Variants in PDE4D observed in about 807,000 individuals in gnomAD.
PDE4D encodes the protein 3',5'-cyclic-AMP phosphodiesterase 4D.
A neutral mutation model predicts 87.4 loss-of-function variants in PDE4D; 24 were observed. That is an observed-to-expected ratio of 0.27 (90% CI 0.20 to 0.39). The LOEUF is 0.39. Among genes scored for constraint, PDE4D ranks in the 10% least tolerant of loss-of-function variants. PDE4D has a pLI of 1.00. For synonymous variants in PDE4D, 384 were observed against 383.2 expected, an observed-to-expected ratio of 1.00 and a Z score of -0.02; for missense variants, 714 against 1,041.0, an observed-to-expected ratio of 0.69 and a Z score of 4.32.
chr5:59,017,207 G>C (rs530083464), intron 6 of PDE4D, among the ~76,000 whole-genome samples: 62 of 152,272 alleles, frequency 4.1e-4, no homozygotes, highest in African/African-American at 1.4e-3. Flanking sequence ...ACCATTAGAA[G>C]GTTCTGAGCA....
intron 1 of PDE4D, among the ~76,000 whole-genome samples, chr5:59,238,322 T>G (rs1029918333): frequency 7.9e-5 from 12 of 152,150 alleles, no homozygotes; most frequent in Non-Finnish European, 1.8e-4. Context: ...TTGATGACTC[T>G]TGTAATATAG....
At chr5:60,287,267 C>T (rs1164418827) in intron 1 of PDE4D, among the ~76,000 whole-genome samples, 1 of 152,096 alleles carries the variant, frequency 6.6e-6, no homozygotes, top group East Asian at 1.9e-4. Context: ...TATAAAACAG[C>T]CTACAAATAT....
intron 1 of PDE4D, among the ~76,000 whole-genome samples, chr5:60,311,223 T>C (rs904076835): frequency 5.9e-5 from 9 of 152,198 alleles, no homozygotes; most frequent in Non-Finnish European, 1.0e-4. Context: ...GGTTTCTCCA[T>C]GTTGGTCAGT....
chr5:60,269,607 A>G (rs1287746814), intron 1 of PDE4D, among the ~76,000 whole-genome samples: 4 of 152,224 alleles, frequency 2.6e-5, no homozygotes, highest in African/African-American at 7.2e-5. Context: ...AGAAAATAGC[A>G]AAATCTCCAG....
At chr5:59,618,323 T>C (rs943111234) in intron 1 of PDE4D, among the ~76,000 whole-genome samples, 8 of 152,092 alleles carry the variant, frequency 5.3e-5, no homozygotes, top group Admixed American at 5.2e-4. Context: ...ATGTAAGACC[T>C]GAGCCAAGAG....
intron 5 of PDE4D, among the ~76,000 whole-genome samples, chr5:59,175,236 C>CT (rs1783631590): frequency 1.3e-5 from 2 of 152,088 alleles, no homozygotes; most frequent in African/African-American, 2.4e-5. Context: ...GTAGGTGAGC[C>CT]TTACTCTAAA....
intron 3 of PDE4D, among the ~76,000 whole-genome samples, chr5:59,906,478 A>G (rs578044837): frequency 1.3e-5 from 2 of 152,284 alleles, no homozygotes; most frequent in South Asian, 4.1e-4. Context: ...GTTTTTGTAA[A>G]TAAAGTTTTA....
intron 1 of PDE4D, among the ~76,000 whole-genome samples, chr5:59,846,480 G>A (rs554753445): frequency 6.6e-6 from 1 of 152,094 alleles, no homozygotes; most frequent in Non-Finnish European, 1.5e-5. Flanking sequence ...GTTTGAGGTG[G>A]GGCCTTATCA....
chr5:60,056,449 A>G (rs1228882154), intron 2 of PDE4D, among the ~76,000 whole-genome samples: 1 of 152,014 alleles, frequency 6.6e-6, no homozygotes, highest in Non-Finnish European at 1.5e-5. Context: ...CACAGGGATC[A>G]GTGTTTTTAT....
At chr5:58,999,907 T>C in intron 6 of PDE4D, 1 of 986,062 alleles carries the variant, frequency 1.0e-6, no homozygotes, top group Non-Finnish European at 1.2e-6. Flanking sequence ...AGGCTAGTCC[T>C]GTCAAAAGCT....
intron 1 of PDE4D, among the ~76,000 whole-genome samples, chr5:59,890,843 A>G (rs1750853815): frequency 6.6e-6 from 1 of 152,250 alleles, no homozygotes; most frequent in Non-Finnish European, 1.5e-5. Context: ...ATAAGTTAAT[A>G]AATGTAAAAT....
chr5:59,979,240 C>T (rs948868997), intron 3 of PDE4D, among the ~76,000 whole-genome samples: 1 of 151,738 alleles, frequency 6.6e-6, no homozygotes, highest in Non-Finnish European at 1.5e-5. Context: ...AGAGGGAGAC[C>T]ACCCTTGAAA....
intron 1 of PDE4D, among the ~76,000 whole-genome samples, chr5:59,616,025 T>G (rs904486498): frequency 7.9e-5 from 12 of 152,096 alleles, no homozygotes; most frequent in African/African-American, 2.9e-4. Context: ...ATGTGCAGGT[T>G]AGTTACATAT....
rs1235759814 is a variant in PDE4D, at chr5:58,974,311, A to G, written c.*353T>C. On this transcript the variant is annotated 3_prime_UTR_variant, in exon 15 of 15. Coordinates refer to ENST00000340635, the MANE Select transcript of PDE4D (RefSeq NM_001104631.2). ...TGCCTTTCTTCTGAAAATATTGCAA[A>G]CAAATAAAAAGGAATAGAAACCCCA... The G allele has an allele frequency of 6.1e-6, 1 of 163,592 alleles. No individual in the cohort carries two copies. The highest frequency in any genetic ancestry group is 1.3e-5 in the Non-Finnish European group (1 of 77,290). The allele number at this position is 163,592 out of a possible 1,614,324, so 10.1% of individuals were successfully genotyped here.
At chr5:60,162,746 A>C (rs1472304593) in intron 2 of PDE4D, among the ~76,000 whole-genome samples, 1 of 151,668 alleles carries the variant, frequency 6.6e-6, no homozygotes, top group African/African-American at 2.4e-5. Context: ...AAATTATGAG[A>C]CTCGCTGCCA....
intron 2 of PDE4D, among the ~76,000 whole-genome samples, chr5:60,031,880 T>C (rs1253379026): frequency 2.0e-5 from 3 of 152,178 alleles, no homozygotes; most frequent in Non-Finnish European, 4.4e-5. Context: ...TGTAATTACA[T>C]ATGCAGAAAA....
chr5:60,459,518 ATT>A (rs1746754704), intron 1 of PDE4D, among the ~76,000 whole-genome samples: 1 of 152,134 alleles, frequency 6.6e-6, no homozygotes, highest in Non-Finnish European at 1.5e-5. Context: ...AAAAGCTAGA[ATT>A]CTATGCACTA....
intron 1 of PDE4D, among the ~76,000 whole-genome samples, chr5:59,306,146 C>T (rs1407099255): frequency 6.6e-6 from 1 of 152,110 alleles, no homozygotes; most frequent in Non-Finnish European, 1.5e-5. Context: ...TATAATATCC[C>T]TCTTTGTCTC....
chr5:59,264,718 T>C (rs1366129320), intron 1 of PDE4D, among the ~76,000 whole-genome samples: 1 of 151,998 alleles, frequency 6.6e-6, no homozygotes, highest in African/African-American at 2.4e-5. Context: ...TTTTACAGTT[T>C]GTTTTGTTTT....
Sources: gnomAD v4.1 joint callset for allele counts (sites outside exome capture counted in the v4.1 genomes callset) on GRCh38, gnomAD v4.1.1 for gene constraint, MANE v1.5 for transcripts, NCBI Gene and HGNC (gene_info 2026-07-23, HGNC 2026-07-21) for gene names.